Variants in COTL1 observed in about 807,000 individuals in gnomAD.
COTL1 encodes coactosin like F-actin binding protein 1.
Under a neutral mutation model 16.5 loss-of-function variants are expected in COTL1, and 15 were observed. That is an observed-to-expected ratio of 0.91 (90% CI 0.61 to 1.40). The LOEUF (loss-of-function observed/expected upper bound fraction) is 1.40. Ranked by LOEUF, COTL1 falls within the 40% of genes most tolerant of loss-of-function variation. The pLI is 0.00. For missense variants in COTL1, 220 were observed against 201.5 expected, an observed-to-expected ratio of 1.09 and a Z score of -0.56; for synonymous variants, 112 against 85.3, an observed-to-expected ratio of 1.31 and a Z score of -1.73.
At chr16:84,603,556 C>T (rs1349917933) in intron 2 of COTL1, among the ~76,000 whole-genome samples, 1 of 151,764 alleles carries the variant, frequency 6.6e-6, no homozygotes, top group Non-Finnish European at 1.5e-5. Context: ...CCCTGGGAAT[C>T]GGGCCTGGCA....
intron 2 of COTL1, among the ~76,000 whole-genome samples, chr16:84,606,551 C>G (rs1905214657): frequency 6.6e-6 from 1 of 152,256 alleles, no homozygotes; most frequent in Non-Finnish European, 1.5e-5. Flanking sequence ...ATCTTAGGCA[C>G]TGCTAAATGC....
chr16:84,610,700 G>A (rs939244073), intron 2 of COTL1, among the ~76,000 whole-genome samples: 9 of 151,844 alleles, frequency 5.9e-5, no homozygotes, highest in African/African-American at 1.9e-4. Flanking sequence ...GGAAGGGAGA[G>A]GTTCCCCCAA....
intron 3 of COTL1, among the ~76,000 whole-genome samples, chr16:84,588,391 T>C (rs563845013): frequency 6.6e-6 from 1 of 152,322 alleles, no homozygotes; most frequent in South Asian, 2.1e-4. Flanking sequence ...AGTGAAAACG[T>C]CAACATTGGT....
chr16:84,614,806 A>G (rs1905429430), intron 2 of COTL1, among the ~76,000 whole-genome samples: 1 of 152,148 alleles, frequency 6.6e-6, no homozygotes, highest in Non-Finnish European at 1.5e-5. Context: ...GTGGGCAACC[A>G]TGTCATTTGC....
At chr16:84,599,087 C>G (rs1342871579) in intron 2 of COTL1, among the ~76,000 whole-genome samples, 1 of 150,332 alleles carries the variant, frequency 6.7e-6, no homozygotes, top group Admixed American at 6.6e-5. Context: ...CCCTCCCCCC[C>G]TTCCCCCTCC....
intron 2 of COTL1, among the ~76,000 whole-genome samples, chr16:84,599,504 T>C (rs1321735675): frequency 6.6e-6 from 1 of 152,224 alleles, no homozygotes; most frequent in African/African-American, 2.4e-5. Flanking sequence ...CACATCTGTC[T>C]GGGTCTTGTT....
chr16:84,592,892 A>G (rs1318944997), intron 2 of COTL1, among the ~76,000 whole-genome samples: 1 of 152,244 alleles, frequency 6.6e-6, no homozygotes, highest in East Asian at 1.9e-4. Context: ...GCGTGATCCT[A>G]GCTGCAGTCC....
intron 3 of COTL1, among the ~76,000 whole-genome samples, chr16:84,577,289 G>C (rs1904475442): frequency 6.6e-6 from 1 of 152,232 alleles, no homozygotes; most frequent in African/African-American, 2.4e-5. Flanking sequence ...CCACTGCCCA[G>C]TCTGGAGTAC....
intron 1 of COTL1, 49 bp downstream of exon 1, chr16:84,617,789 C>A: frequency 6.5e-7 from 1 of 1,530,240 alleles, no homozygotes; most frequent in East Asian, 2.4e-5. Flanking sequence ...GCACGAGGCC[C>A]CGCGCGAGCC....
Position 84,612,445 on chromosome 16 carries a change from C to T in COTL1, c.160+5056G>A, listed in dbSNP as rs143598003. Among the ~76,000 whole-genome samples, 1,112 of 152,116 alleles carry T rather than the reference C, an allele frequency of 7.3e-3. 51 individuals are homozygous for T. The highest frequency in any genetic ancestry group is 0.062 in the Admixed American group (949 of 15,284). On this transcript the variant is annotated intron_variant, in intron 2 of 3. Transcript: ENST00000262428. ...AGTGGGGACGTGTACTGAAAGCTTC[C>T]GAGTGGAAAGCATAATGCCTCTACG... is the stretch of plus-strand genomic sequence containing the variant.
At chr16:84,608,134 C>G (rs1905250238) in intron 2 of COTL1, among the ~76,000 whole-genome samples, 1 of 151,954 alleles carries the variant, frequency 6.6e-6, no homozygotes, top group East Asian at 1.9e-4. Context: ...AAGACCTAGA[C>G]ATAGAGCTCC....
At chr16:84,598,839 AG>A (rs964897822) in intron 2 of COTL1, among the ~76,000 whole-genome samples, 1 of 35,874 alleles carries the variant, frequency 2.8e-5, no homozygotes, top group African/African-American at 8.9e-5. Context: ...GGGAGCAAGC[AG>A]GGGGGGTCCA....
At chr16:84,614,014 C>G (rs61187466) in intron 2 of COTL1, among the ~76,000 whole-genome samples, 17,147 of 152,176 alleles carry the variant, frequency 0.11, 1,498 homozygotes, top group East Asian at 0.3. Context: ...AAACCTCCCC[C>G]CTCCCCGCAA....
chr16:84,582,239 C>G (rs937285056), intron 3 of COTL1, among the ~76,000 whole-genome samples: 5 of 152,046 alleles, frequency 3.3e-5, no homozygotes, highest in African/African-American at 1.2e-4. Context: ...AAGTGATCCA[C>G]CCACCTCGGC....
intron 3 of COTL1, 26 bp from the exon 4 acceptor site, chr16:84,566,981 G>T (rs750348061): frequency 1.3e-6 from 2 of 1,535,404 alleles, no homozygotes; most frequent in Non-Finnish European, 1.8e-6. Flanking sequence ...AAAACACAGC[G>T]TTCCTATTAA....
intron 2 of COTL1, among the ~76,000 whole-genome samples, chr16:84,611,211 G>C (rs1361152075): frequency 6.6e-6 from 1 of 152,200 alleles, no homozygotes; most frequent in Non-Finnish European, 1.5e-5. Flanking sequence ...TAACCAATCA[G>C]CTCTAAAATC....
intron 2 of COTL1, among the ~76,000 whole-genome samples, chr16:84,612,117 C>T (rs1051375717): frequency 6.6e-6 from 1 of 152,154 alleles, no homozygotes; most frequent in East Asian, 1.9e-4. Flanking sequence ...AAATGGCAAT[C>T]GCAGTAATTG....
chr16:84,613,672 C>A (rs1905392458), intron 2 of COTL1, among the ~76,000 whole-genome samples: 1 of 152,152 alleles, frequency 6.6e-6, no homozygotes, highest in East Asian at 1.9e-4. Context: ...AGAGTGGATA[C>A]CAGACAAGGA....
At chr16:84,567,150 C>A in intron 3 of COTL1, 195 bp from the exon 4 acceptor site, 1 of 537,514 alleles carries the variant, frequency 1.9e-6, no homozygotes, top group Non-Finnish European at 3.4e-6. Context: ...AGTCATCTGG[C>A]AGAAAAAACC....
Sources: allele counts gnomAD v4.1 joint callset (sites outside exome capture counted in the v4.1 genomes callset), GRCh38; gene constraint gnomAD v4.1.1; transcripts MANE v1.5; gene names NCBI Gene and HGNC (gene_info 2026-07-23, HGNC 2026-07-21).